Variants in TMEM51 observed in about 807,000 individuals in gnomAD.
TMEM51 encodes the protein chromosome 1 open reading frame 72.
TMEM51 carries 8 observed loss-of-function variants against 13.6 expected under a neutral mutation model. The ratio of observed to expected loss-of-function variants is 0.59; its 90% CI spans 0.35 to 1.07. The LOEUF (loss-of-function observed/expected upper bound fraction) is 1.07, where lower values mean the gene tolerates loss of function less well. Ranked by LOEUF, TMEM51 falls within the 50% of genes least tolerant of loss-of-function variation. TMEM51 has a pLI of 0.02. For synonymous variants in TMEM51, 147 were observed against 144.4 expected (o/e 1.02, Z -0.13); for missense variants, 279 against 330.7 (o/e 0.84, Z 1.21).
At chr1:15,167,936 A>G (rs974047947) in intron 1 of TMEM51, among the ~76,000 whole-genome samples, 1 of 152,242 alleles carries the variant, frequency 6.6e-6, no homozygotes, top group Admixed American at 6.5e-5. Flanking sequence ...AAACTAATAT[A>G]TGCACATGGT....
chr1:15,197,490 A>G (rs1028428400), intron 1 of TMEM51, among the ~76,000 whole-genome samples: 1 of 152,088 alleles, frequency 6.6e-6, no homozygotes, highest in Admixed American at 6.6e-5. Context: ...TCTCTGACTG[A>G]AGAGGCCTTC....
At chr1:15,193,066 G>A (rs1643966009) in intron 1 of TMEM51, among the ~76,000 whole-genome samples, 1 of 152,226 alleles carries the variant, frequency 6.6e-6, no homozygotes, top group African/African-American at 2.4e-5. Flanking sequence ...CTTAGAGGCT[G>A]TTGGCTGAGA....
intron 1 of TMEM51, among the ~76,000 whole-genome samples, chr1:15,154,201 G>A (rs1642506420): frequency 6.6e-6 from 1 of 152,142 alleles, no homozygotes; most frequent in Non-Finnish European, 1.5e-5. Context: ...GCCTCGGCTG[G>A]GGAAGGCAGC....
chr1:15,196,284 C>T (rs550603460), intron 1 of TMEM51, among the ~76,000 whole-genome samples: 45 of 152,284 alleles, frequency 3.0e-4, no homozygotes, highest in African/African-American at 9.6e-4. Flanking sequence ...CTCCCTACTC[C>T]GAGTTCAGTG....
At chr1:15,204,324 C>T (rs1309055765) in intron 1 of TMEM51, among the ~76,000 whole-genome samples, 1 of 152,228 alleles carries the variant, frequency 6.6e-6, no homozygotes, top group Non-Finnish European at 1.5e-5. Context: ...GAGGCCGAGG[C>T]GGACGGATCA....
Position 15,207,206 on chromosome 1 carries a change from T to C in TMEM51, c.-266-3284T>C, listed in dbSNP as rs1644265523. On this transcript the variant is annotated intron_variant, in intron 1 of 3. Transcript: ENST00000376008. This position sits in a 1 kb window ranked among gnomAD's most constrained non-coding sequence, Gnocchi z 4.6. ...CAAGGAGCCCCTCTGTCATGGGGGT[T>C]GGTAGCACCGCCAGCCGCCTCCGAC... 2.0e-5 allele frequency among the ~76,000 whole-genome samples: 3 copies of C among 152,126 alleles called. No individual in the cohort carries two copies. The highest frequency in any genetic ancestry group is 7.2e-5 in the African/African-American group (3 of 41,420).
intron 1 of TMEM51, among the ~76,000 whole-genome samples, chr1:15,177,028 T>C (rs1359544590): frequency 6.6e-6 from 1 of 151,960 alleles, no homozygotes; most frequent in African/African-American, 2.4e-5. Flanking sequence ...GTGGGGGATA[T>C]TAAGGAGAGA....
At chr1:15,162,423 A>C (rs1029314122) in intron 1 of TMEM51, among the ~76,000 whole-genome samples, 2 of 152,066 alleles carry the variant, frequency 1.3e-5, no homozygotes, top group African/African-American at 4.8e-5. Flanking sequence ...TCGGCCTCCC[A>C]AATTGCTGGG....
intron 1 of TMEM51, chr1:15,192,610 C>T (rs1321047377): frequency 5.7e-6 from 1 of 174,106 alleles, no homozygotes; most frequent in Admixed American, 6.2e-5. Flanking sequence ...CGCACCAGCA[C>T]ACCCGGCTAC....
chr1:15,213,007 A>G (rs2100351412), intron 2 of TMEM51, among the ~76,000 whole-genome samples: 2 of 152,368 alleles, frequency 1.3e-5, no homozygotes, highest in South Asian at 4.1e-4. Flanking sequence ...CAATTAGGCC[A>G]GTGGGAATCC....
intron 1 of TMEM51, among the ~76,000 whole-genome samples, chr1:15,209,170 A>G (rs1012907941): frequency 5.3e-5 from 8 of 151,996 alleles, no homozygotes; most frequent in Admixed American, 3.3e-4. Context: ...CCTAGGCTCA[A>G]GCAGATCCTC....
chr1:15,191,882 C>A (rs1370785789), intron 1 of TMEM51: 2 of 524,152 alleles, frequency 3.8e-6, no homozygotes, highest in Non-Finnish European at 7.8e-6. Context: ...ACTTACGTGA[C>A]CATTTCTCTT....
At chr1:15,162,764 AC>A (rs1429370979) in intron 1 of TMEM51, among the ~76,000 whole-genome samples, 2 of 152,202 alleles carry the variant, frequency 1.3e-5, no homozygotes, top group Admixed American at 1.3e-4. Context: ...TAAGCCAGTC[AC>A]AAAAAGACAG....
At chr1:15,175,002 C>A (rs976286218) in intron 1 of TMEM51, among the ~76,000 whole-genome samples, 1 of 152,178 alleles carries the variant, frequency 6.6e-6, no homozygotes, top group Non-Finnish European at 1.5e-5. Flanking sequence ...CAGCACCCTA[C>A]CATCCTTTTG....
chr1:15,207,384 G>C lies in TMEM51; in HGVS notation c.-266-3106G>C, dbSNP rs775906199. 6.6e-6 allele frequency among the ~76,000 whole-genome samples: 1 copy of C among 152,356 alleles called. No individual in the cohort carries two copies. Among genetic ancestry groups the C allele is most frequent in the Non-Finnish European group, 1.5e-5 (1 of 68,036 alleles). ...TCCTGGAGAGTTTCTGCAATTCAGC[G>C]AGAAGAGGCAGCGGAAGGCCCAGCC... On this transcript the variant is annotated intron_variant, in intron 1 of 3. Coordinates refer to ENST00000376008, the MANE Select transcript of TMEM51 (RefSeq NM_001136218.2). The surrounding 1 kb of genome is among the most constrained non-coding windows in gnomAD (Gnocchi z 4.6).
chr1:15,177,280 T>C (rs1643481713), intron 1 of TMEM51, among the ~76,000 whole-genome samples: 1 of 152,162 alleles, frequency 6.6e-6, no homozygotes. Context: ...GGGCCAGATA[T>C]AGTCCTGGAG....
In TMEM51 at chr1:15,206,015, T is replaced by C. The variant is rs1018181350; in HGVS notation, c.-266-4475T>C. On this transcript the variant is annotated intron_variant, in intron 1 of 3. Coordinates refer to ENST00000376008, the MANE Select transcript of TMEM51 (RefSeq NM_001136218.2). ...ACTTTGGGAGGCTGAGGCAGGCAGA[T>C]TGCTTGAGCCCAGGAAATCGAGACC... Among the ~76,000 whole-genome samples the C allele has an allele frequency of 2.6e-5, 4 of 152,300 alleles. No homozygotes were observed. The East Asian group carries it at 7.7e-4, about 29-fold the overall frequency.
At chr1:15,199,195 C>T (rs1365881095) in intron 1 of TMEM51, among the ~76,000 whole-genome samples, 1 of 151,536 alleles carries the variant, frequency 6.6e-6, no homozygotes, top group Non-Finnish European at 1.5e-5. Context: ...TGCAACGGCG[C>T]AATCTCAGCT....
intron 1 of TMEM51, among the ~76,000 whole-genome samples, chr1:15,190,775 G>GT (rs1277502591): frequency 1.3e-5 from 2 of 151,858 alleles, no homozygotes; most frequent in Non-Finnish European, 2.9e-5. Flanking sequence ...TTGGTTTTTG[G>GT]TTTTTTGTTT....
Sources: gnomAD v4.1 joint callset for allele counts (sites outside exome capture counted in the v4.1 genomes callset) on GRCh38, gnomAD v4.1.1 for gene constraint, Gnocchi (gnomAD v3.1) non-coding constraint, MANE v1.5 for transcripts, NCBI Gene and HGNC (gene_info 2026-07-23, HGNC 2026-07-21) for gene names.